Variants in POU6F2 observed in about 807,000 individuals in gnomAD.
POU6F2 encodes POU class 6 homeobox 2, also known as POU domain, class 6, transcription factor 2.
In POU6F2, 31 loss-of-function variants were observed where a neutral mutation model predicts 71.3. The observed-to-expected ratio is 0.43, with a 90% CI of 0.33 to 0.59. The LOEUF is 0.59. POU6F2 is among the 20% of genes least tolerant of loss of function. The probability of loss-of-function intolerance (pLI) is 0.04; values close to 1 mark genes in which losing one functional copy is unlikely to be tolerated. For missense variants in POU6F2, 783 were observed against 856.8 expected (o/e 0.91, Z 1.07); for synonymous variants, 347 against 355.7 (o/e 0.98, Z 0.27).
In POU6F2 at chr7:39,452,946, G is replaced by A. The variant is rs181602971; in HGVS notation, c.1489+1245G>A. 1.5e-3 allele frequency among the ~76,000 whole-genome samples: 232 copies of A among 152,244 alleles called. 1 individual carries two copies. Among genetic ancestry groups the A allele is most frequent in the Non-Finnish European group, 2.5e-3 (173 of 68,008 alleles). On this transcript the variant is annotated intron_variant, in intron 8 of 9. Transcript: ENST00000518318. ...AGTTTCTACTAAAATACAAAAATTA[G>A]CCGGGCGTGGTGGCATGTGCCTGTA...
intron 4 of POU6F2, among the ~76,000 whole-genome samples, chr7:39,255,433 G>C (rs536516808): frequency 9.2e-5 from 14 of 152,036 alleles, no homozygotes; most frequent in Non-Finnish European, 1.9e-4. Context: ...TTCGTGTTAC[G>C]ACTCAGGACA....
chr7:39,103,374 G>A (rs1791615346), intron 2 of POU6F2, among the ~76,000 whole-genome samples: 1 of 152,190 alleles, frequency 6.6e-6, no homozygotes, highest in South Asian at 2.1e-4. Flanking sequence ...CCATTGGAGG[G>A]AGATGGAGTC....
At chr7:39,012,563 G>A (rs544187585) in intron 1 of POU6F2, among the ~76,000 whole-genome samples, 2,549 of 152,010 alleles carry the variant, frequency 0.017, 73 homozygotes, top group African/African-American at 0.058. Flanking sequence ...TCCGTTGCTG[G>A]TGAGGAACTG....
intron 4 of POU6F2, among the ~76,000 whole-genome samples, chr7:39,328,409 G>A (rs984335613): frequency 1.5e-4 from 23 of 152,108 alleles, no homozygotes; most frequent in African/African-American, 3.1e-4. Context: ...TTAATCTATC[G>A]GGAACAAATA....
intron 4 of POU6F2, among the ~76,000 whole-genome samples, chr7:39,305,684 A>G (rs1367818976): frequency 2.0e-5 from 3 of 152,230 alleles, no homozygotes; most frequent in African/African-American, 7.2e-5. Context: ...TGCAATTCCA[A>G]TGAGAACATA....
chr7:39,017,818 G>A (rs898027189), intron 1 of POU6F2, among the ~76,000 whole-genome samples: 122 of 151,186 alleles, frequency 8.1e-4, no homozygotes, highest in African/African-American at 2.8e-3. Context: ...GCATGCGTGT[G>A]TGTGTGTGTG....
At chr7:39,377,689 C>T (rs1380837421) in intron 5 of POU6F2, among the ~76,000 whole-genome samples, 1 of 151,594 alleles carries the variant, frequency 6.6e-6, no homozygotes, top group Non-Finnish European at 1.5e-5. Flanking sequence ...CTTGTTTTGC[C>T]ATGTGTGTTC....
intron 7 of POU6F2, among the ~76,000 whole-genome samples, chr7:39,434,096 G>A (rs1040090784): frequency 5.3e-5 from 8 of 152,110 alleles, no homozygotes; most frequent in African/African-American, 1.2e-4. Flanking sequence ...AACTCTGCCC[G>A]GACAGTTTTT....
intron 1 of POU6F2, among the ~76,000 whole-genome samples, chr7:39,012,497 A>G (rs183941140): frequency 0.31 from 46,453 of 149,312 alleles, 7,231 homozygotes; most frequent in South Asian, 0.44. Flanking sequence ...GAGTAATTTG[A>G]TCGTCTGAAG....
chr7:39,276,533 C>G (rs1204994020), intron 4 of POU6F2, among the ~76,000 whole-genome samples: 1 of 150,814 alleles, frequency 6.6e-6, no homozygotes, highest in Non-Finnish European at 1.5e-5. Flanking sequence ...ACCATTTGAC[C>G]CAGCCATCCC....
chr7:39,063,605 A>G (rs765118931), intron 1 of POU6F2, among the ~76,000 whole-genome samples: 3 of 152,188 alleles, frequency 2.0e-5, no homozygotes, highest in Admixed American at 6.5e-5. Context: ...CTAGAAGAAA[A>G]GAATTTAAAG....
chr7:39,345,666 TTC>T (rs1160889750), intron 5 of POU6F2, among the ~76,000 whole-genome samples: 5 of 152,212 alleles, frequency 3.3e-5, no homozygotes, highest in African/African-American at 1.2e-4. Flanking sequence ...GTAGACAACA[TTC>T]TCTCAGAGCA....
At chr7:39,342,866 T>C (rs1359192050) in intron 5 of POU6F2, among the ~76,000 whole-genome samples, 1 of 152,240 alleles carries the variant, frequency 6.6e-6, no homozygotes, top group Non-Finnish European at 1.5e-5. Context: ...GGATTACATT[T>C]ACAAAACCAA....
chr7:39,059,642 A>T (rs1189400801), intron 1 of POU6F2, among the ~76,000 whole-genome samples: 1 of 152,214 alleles, frequency 6.6e-6, no homozygotes, highest in African/African-American at 2.4e-5. Flanking sequence ...TGTTAAACCT[A>T]TAGTTACCAT....
At chr7:39,070,614 C>T (rs1046462699) in intron 1 of POU6F2, among the ~76,000 whole-genome samples, 43 of 152,004 alleles carry the variant, frequency 2.8e-4, no homozygotes, top group African/African-American at 9.9e-4. Context: ...CCTCCTCTCC[C>T]CAAGAGGGCA....
chr7:39,019,649 CTTT>C (rs70977448), intron 1 of POU6F2, among the ~76,000 whole-genome samples: 2 of 137,786 alleles, frequency 1.5e-5, no homozygotes. Flanking sequence ...TTTCTTTTTT[CTTT>C]TTTTTTTTTT....
chr7:39,306,278 G>A lies in POU6F2; in HGVS notation c.599-33364G>A, dbSNP rs139355897. Among the ~76,000 whole-genome samples the A allele has an allele frequency of 1.8e-3, 279 of 152,342 alleles. 3 individuals carry two copies. The highest frequency in any genetic ancestry group is 5.8e-3 in the African/African-American group (240 of 41,592). On this transcript the variant is annotated intron_variant, in intron 4 of 9. Coordinates refer to ENST00000518318, the MANE Select transcript of POU6F2 (RefSeq NM_001370959.1). The stretch of plus-strand genomic sequence containing the variant: ...CTAAGAATTTGACCTTCCAACAGCC[G>A]TGGTGGCATAAACTCACAAAGGAAA...
chr7:38,991,011 G>A (rs1788590937), intron 1 of POU6F2, among the ~76,000 whole-genome samples: 1 of 151,850 alleles, frequency 6.6e-6, no homozygotes, highest in African/African-American at 2.4e-5. Flanking sequence ...CTTTCTAGTT[G>A]GACCAAATCT....
At chr7:39,360,538 G>T (rs1786357906) in intron 5 of POU6F2, among the ~76,000 whole-genome samples, 1 of 152,148 alleles carries the variant, frequency 6.6e-6, no homozygotes, top group African/African-American at 2.4e-5. Context: ...ATCACGTAGG[G>T]CACTCGTTTT....
Sources: allele counts gnomAD v4.1 joint callset (sites outside exome capture counted in the v4.1 genomes callset), GRCh38; gene constraint gnomAD v4.1.1; transcripts MANE v1.5; gene names NCBI Gene and HGNC (gene_info 2026-07-23, HGNC 2026-07-21).